Variants in PCSK2 observed in about 807,000 individuals in gnomAD.
The protein encoded by PCSK2 is proprotein convertase subtilisin/kexin type 2, also known as neuroendocrine convertase 2.
A neutral mutation model predicts 69.7 loss-of-function variants in PCSK2; 14 were observed. The ratio of observed to expected loss-of-function variants is 0.20; its 90% confidence interval spans 0.13 to 0.31. The LOEUF (loss-of-function observed/expected upper bound fraction) is 0.31, where lower values mean the gene tolerates loss of function less well. Ranked by LOEUF, PCSK2 falls within the 10% of genes least tolerant of loss-of-function variation. The pLI, the probability that PCSK2 is intolerant of heterozygous loss-of-function variation, is 1.00. For synonymous variants in PCSK2, 307 were observed against 320.7 expected, an observed-to-expected ratio of 0.96 and a Z score of 0.46; for missense variants, 544 against 842.5, an observed-to-expected ratio of 0.65 and a Z score of 4.39.
At chr20:17,430,123 A>G (rs926990435) in intron 7 of PCSK2, among the ~76,000 whole-genome samples, 2 of 152,234 alleles carry the variant, frequency 1.3e-5, no homozygotes, top group Admixed American at 1.3e-4. Flanking sequence ...TTCATTGGGT[A>G]GGATATTTAA....
At chr20:17,378,738 A>G (rs2123248369) in intron 5 of PCSK2, among the ~76,000 whole-genome samples, 1 of 152,106 alleles carries the variant, frequency 6.6e-6, no homozygotes, top group South Asian at 2.1e-4. Flanking sequence ...AGATGGGAGG[A>G]TGCTAATGAG....
chr20:17,265,099 G>T (rs1268420550), intron 2 of PCSK2, among the ~76,000 whole-genome samples: 1 of 152,068 alleles, frequency 6.6e-6, no homozygotes, highest in Non-Finnish European at 1.5e-5. Context: ...CCTGACATCG[G>T]GTGATCCACC....
intron 6 of PCSK2, among the ~76,000 whole-genome samples, chr20:17,421,164 G>A (rs917365489): frequency 2.0e-5 from 3 of 152,176 alleles, no homozygotes; most frequent in African/African-American, 7.2e-5. Flanking sequence ...TGAAAAAGGA[G>A]TTATAGCCAA....
chr20:17,279,390 C>G (rs887727801), intron 2 of PCSK2, among the ~76,000 whole-genome samples: 3 of 152,116 alleles, frequency 2.0e-5, no homozygotes, highest in Admixed American at 6.6e-5. Flanking sequence ...AGAATTTGCT[C>G]TTAGTTCTCT....
At chr20:17,241,094 T>C (rs1986553039) in intron 1 of PCSK2, among the ~76,000 whole-genome samples, 1 of 152,190 alleles carries the variant, frequency 6.6e-6, no homozygotes, top group African/African-American at 2.4e-5. Context: ...AGAAAGTTTT[T>C]GTGATAGATT....
chr20:17,267,177 T>C (rs538537408), intron 2 of PCSK2, among the ~76,000 whole-genome samples: 17 of 152,272 alleles, frequency 1.1e-4, no homozygotes, highest in African/African-American at 4.1e-4. Context: ...AACATGAATC[T>C]GTAGGCACAT....
chr20:17,294,577 C>G (rs949613732), intron 2 of PCSK2, among the ~76,000 whole-genome samples: 1 of 152,176 alleles, frequency 6.6e-6, no homozygotes, highest in East Asian at 1.9e-4. Flanking sequence ...TTCCTCTGAG[C>G]TCTGTAAAAT....
At chr20:17,251,031 C>T (rs772594780) in intron 1 of PCSK2, among the ~76,000 whole-genome samples, 15 of 152,004 alleles carry the variant, frequency 9.9e-5, no homozygotes, top group South Asian at 2.1e-4. Context: ...ATCCAAGAGG[C>T]GAAGGTTGCA....
At chr20:17,323,012 A>G (rs761132087) in intron 2 of PCSK2, among the ~76,000 whole-genome samples, 2 of 151,984 alleles carry the variant, frequency 1.3e-5, no homozygotes, top group Non-Finnish European at 2.9e-5. Flanking sequence ...TTACAGGTGC[A>G]TGCCACCACG....
chr20:17,267,785 A>C (rs1987681021), intron 2 of PCSK2, among the ~76,000 whole-genome samples: 1 of 152,082 alleles, frequency 6.6e-6, no homozygotes. Context: ...TGGAAGTTTT[A>C]ACTTTCTTTG....
intron 2 of PCSK2, among the ~76,000 whole-genome samples, chr20:17,311,001 CAA>C (rs113825389): frequency 0.019 from 2,160 of 112,422 alleles, 18 homozygotes; most frequent in South Asian, 0.053. Flanking sequence ...GACTCCGTCT[CAA>C]AAAAAAAAAA....
At chr20:17,340,343 A>G (rs1306724887) in intron 2 of PCSK2, among the ~76,000 whole-genome samples, 1 of 152,218 alleles carries the variant, frequency 6.6e-6, no homozygotes, top group Non-Finnish European at 1.5e-5. Context: ...TGTGTCCTAC[A>G]CGCCTATAAT....
chr20:17,419,770 C>G (rs777831515), intron 6 of PCSK2, among the ~76,000 whole-genome samples: 1 of 152,166 alleles, frequency 6.6e-6, no homozygotes, highest in Non-Finnish European at 1.5e-5. Context: ...CATTGCAGAT[C>G]TGTATTCCAT....
intron 2 of PCSK2, among the ~76,000 whole-genome samples, chr20:17,282,332 G>T (rs1988347581): frequency 6.6e-6 from 1 of 152,040 alleles, no homozygotes; most frequent in African/African-American, 2.4e-5. Flanking sequence ...TAATATCAAA[G>T]GGTTCAAAGA....
intron 2 of PCSK2, among the ~76,000 whole-genome samples, chr20:17,311,125 G>C (rs1212326627): frequency 6.6e-6 from 1 of 151,924 alleles, no homozygotes; most frequent in Non-Finnish European, 1.5e-5. Context: ...ATTAAACATA[G>C]AGCAAACCTC....
intron 6 of PCSK2, among the ~76,000 whole-genome samples, chr20:17,428,640 G>A (rs985315331): frequency 7.9e-5 from 12 of 152,002 alleles, no homozygotes; most frequent in South Asian, 2.1e-4. Context: ...GGCCATACTC[G>A]CACTGTCCCA....
chr20:17,385,039 T>C (rs1055151877), intron 5 of PCSK2, among the ~76,000 whole-genome samples: 3 of 152,228 alleles, frequency 2.0e-5, no homozygotes, highest in African/African-American at 7.2e-5. Context: ...TGGCCACCTG[T>C]TTTTGTAAAT....
intron 2 of PCSK2, among the ~76,000 whole-genome samples, chr20:17,289,545 A>G (rs988697376): frequency 6.6e-6 from 1 of 152,236 alleles, no homozygotes; most frequent in Non-Finnish European, 1.5e-5. Context: ...GTAACTATTT[A>G]AAAATACTTT....
At chr20:17,240,825 C>T (rs1179992838) in intron 1 of PCSK2, among the ~76,000 whole-genome samples, 1 of 152,134 alleles carries the variant, frequency 6.6e-6, no homozygotes, top group Non-Finnish European at 1.5e-5. Flanking sequence ...TGGCTAATCC[C>T]TCATAGGAGT....
Sources: allele counts gnomAD v4.1 joint callset (sites outside exome capture counted in the v4.1 genomes callset), GRCh38; gene constraint gnomAD v4.1.1; transcripts MANE v1.5; gene names NCBI Gene and HGNC (gene_info 2026-07-23, HGNC 2026-07-21).